Variants in NOL10 observed in about 807,000 individuals in gnomAD.
NOL10 encodes H_NH0074G24.1.
A neutral mutation model predicts 103.5 loss-of-function variants in NOL10; 58 were observed. The ratio of observed to expected loss-of-function variants is 0.56; its 90% CI spans 0.45 to 0.70. NOL10 has a LOEUF of 0.70. Ranked by LOEUF, NOL10 falls within the 30% of genes least tolerant of loss-of-function variation. The pLI, the probability that NOL10 is intolerant of heterozygous loss-of-function variation, is 0.00. For missense variants in NOL10, 763 were observed against 807.3 expected (o/e 0.95, Z 0.67); for synonymous variants, 287 against 282.5 (o/e 1.02, Z -0.16).
chr2:10,646,513 G>A (rs558270128), intron 12 of NOL10, among the ~76,000 whole-genome samples: 1 of 152,208 alleles, frequency 6.6e-6, no homozygotes, highest in Non-Finnish European at 1.5e-5. Flanking sequence ...CTCAAGTGAG[G>A]AGGGTCAGGG....
At chr2:10,601,375 A>G (rs1453526878) in intron 16 of NOL10, among the ~76,000 whole-genome samples, 1 of 152,094 alleles carries the variant, frequency 6.6e-6, no homozygotes, top group Non-Finnish European at 1.5e-5. Flanking sequence ...ACTAATTCGT[A>G]TTTTAAAAAT....
chr2:10,650,445 C>A (rs555377634), intron 12 of NOL10, among the ~76,000 whole-genome samples: 1 of 152,104 alleles, frequency 6.6e-6, no homozygotes, highest in Non-Finnish European at 1.5e-5. Context: ...GGATTACAGG[C>A]GTGAGCCACT....
intron 13 of NOL10, among the ~76,000 whole-genome samples, chr2:10,626,928 C>A (rs573415003): frequency 6.6e-6 from 1 of 152,158 alleles, no homozygotes; most frequent in Admixed American, 6.5e-5. Context: ...TTTGAAAATG[C>A]GACAGGATGC....
chr2:10,593,341 G>C (rs6432106), intron 17 of NOL10, among the ~76,000 whole-genome samples: 37,626 of 151,838 alleles, frequency 0.25, 6,493 homozygotes, highest in African/African-American at 0.45. Context: ...GGTTTCACCA[G>C]TTGGTCAGGC....
intron 13 of NOL10, 44 bp downstream of exon 13, chr2:10,644,276 T>C: frequency 2.3e-6 from 3 of 1,315,190 alleles, no homozygotes; most frequent in Non-Finnish European, 3.1e-6. Context: ...AAAAGTATCT[T>C]TGCTTGTCCT....
chr2:10,637,686 G>T (rs1381750296), intron 13 of NOL10, among the ~76,000 whole-genome samples: 1 of 152,196 alleles, frequency 6.6e-6, no homozygotes, highest in Non-Finnish European at 1.5e-5. Context: ...GAAGCTGTGT[G>T]GTATGTATTT....
intron 12 of NOL10, among the ~76,000 whole-genome samples, chr2:10,649,433 G>A (rs1251700380): frequency 3.5e-5 from 5 of 141,336 alleles, no homozygotes; most frequent in African/African-American, 1.1e-4. Context: ...CAATTCTCCC[G>A]CCTCAGCCTC....
intron 13 of NOL10, among the ~76,000 whole-genome samples, chr2:10,636,116 G>C (rs1414072601): frequency 6.6e-6 from 1 of 151,986 alleles, no homozygotes; most frequent in Non-Finnish European, 1.5e-5. Context: ...TCAAGCTCTT[G>C]GCCTCAAGTG....
chr2:10,634,568 GA>G (rs1325794985), intron 13 of NOL10: 1 of 456,556 alleles, frequency 2.2e-6, no homozygotes, highest in Non-Finnish European at 4.4e-6. Flanking sequence ...GCTGGAGAGG[GA>G]AAATTGGACG....
Position 10,659,233 on chromosome 2 carries a change from G to C in NOL10, c.695C>G (p.Thr232Arg). Reference sequence around the variant, plus strand: ...ACCATTAAATTTCAAAGCAGAGATTGTTGGTAAACTGTTTATCCTGAAAAG... The same window carrying C: ...ACCATTAAATTTCAAAGCAGAGATTCTTGGTAAACTGTTTATCCTGAAAAG... ...TADSEINSLP[T>R]ISALKFNGAL... The change falls in exon 10 of 21, where the codon ACA (threonine) becomes AGA (arginine). Residue 232 changes from threonine to arginine, a missense_variant. Thr to Arg is a moderately conservative substitution (Grantham distance 71). Transcript: ENST00000381685. The C allele has an allele frequency of 6.3e-7, 1 of 1,592,710 alleles. No homozygotes were observed. Among genetic ancestry groups the C allele is most frequent in the Non-Finnish European group, 8.6e-7 (1 of 1,168,206 alleles).
chr2:10,676,849 G>C (rs1385312578), intron 3 of NOL10, among the ~76,000 whole-genome samples: 2 of 151,792 alleles, frequency 1.3e-5, no homozygotes, highest in East Asian at 3.9e-4. Context: ...TGTTGGTCAG[G>C]CTGGTCTCGA....
Position 10,605,708 on chromosome 2 carries a change from A to C in NOL10, c.1153+1477T>G, listed in dbSNP as rs549321601. ...ACAATGACCTTTTTTCATTCGATTT[A>C]AGAATGTAGGTGAGTGTGACAGCAT... On this transcript the variant is annotated intron_variant, in intron 14 of 20. Coordinates refer to ENST00000381685, the MANE Select transcript of NOL10 (RefSeq NM_024894.4). Among the ~76,000 whole-genome samples the C allele has an allele frequency of 2.6e-5, 4 of 152,308 alleles. No homozygotes were observed. In the South Asian group the frequency reaches 8.3e-4, roughly 32 times the overall value.
At chr2:10,685,491 C>A (rs1282600972) in intron 1 of NOL10, among the ~76,000 whole-genome samples, 1 of 4,946 alleles carries the variant, frequency 2.0e-4, no homozygotes, top group African/African-American at 5.2e-4. Flanking sequence ...GACTCCGTCC[C>A]CCCCCCCCCC....
rs573597270 is a variant in NOL10 at position 10,669,443 on chromosome 2, A to G, written c.465-720T>C. On this transcript the variant is annotated intron_variant, in intron 6 of 20. Coordinates refer to ENST00000381685, the MANE Select transcript of NOL10 (RefSeq NM_024894.4). ...TTTTCTAAAATGGGTATGTATTTGT[A>G]TATATATATATATTTTTATTTTTTA... Among the ~76,000 whole-genome samples, 223 of 143,330 alleles carry G rather than the reference A, an allele frequency of 1.6e-3. 1 individual carries two copies. The highest frequency in any genetic ancestry group is 4.5e-3 in the African/African-American group (176 of 39,042). The allele number at this position is 143,330 out of a possible 152,430, so 94.0% of individuals were successfully genotyped here. A position where few individuals can be genotyped will look rare whatever the true frequency, so the allele number is the denominator to read the frequency against.
chr2:10,592,314 G>T (rs11681219), intron 17 of NOL10, among the ~76,000 whole-genome samples: 37,650 of 151,990 alleles, frequency 0.25, 6,499 homozygotes, highest in African/African-American at 0.45. Flanking sequence ...CAGAAAGCTG[G>T]CGACACTGAG....
chr2:10,623,876 C>T (rs1304319840), intron 13 of NOL10, among the ~76,000 whole-genome samples: 8 of 152,154 alleles, frequency 5.3e-5, no homozygotes, highest in Admixed American at 2.0e-4. Context: ...ATGGCTAAAA[C>T]GCAAAAACAT....
chr2:10,662,520 C>G (rs1268850082), intron 9 of NOL10, among the ~76,000 whole-genome samples: 1 of 152,074 alleles, frequency 6.6e-6, no homozygotes, highest in Non-Finnish European at 1.5e-5. Context: ...AATCATAAAA[C>G]TGTAAATGGA....
chr2:10,587,204 CACATAT>C (rs1400816505), intron 19 of NOL10, among the ~76,000 whole-genome samples: 1 of 34,408 alleles, frequency 2.9e-5, no homozygotes, highest in East Asian at 7.1e-4. Flanking sequence ...CATATATATA[CACATAT>C]ATATATACAT....
chr2:10,618,255 T>C (rs1213572556), intron 13 of NOL10, among the ~76,000 whole-genome samples: 1 of 135,612 alleles, frequency 7.4e-6, no homozygotes, highest in East Asian at 2.2e-4. Flanking sequence ...TAAAAAAAAA[T>C]GAATTAAGGA....
Sources: gnomAD v4.1 joint callset for allele counts (sites outside exome capture counted in the v4.1 genomes callset) on GRCh38, gnomAD v4.1.1 for gene constraint, MANE v1.5 for transcripts, NCBI Gene and HGNC (gene_info 2026-07-23, HGNC 2026-07-21) for gene names.